The following KIF16B variants were observed in gnomAD, a reference collection of about 807,000 sequenced individuals.
KIF16B encodes kinesin-like protein KIF16B.
Under a neutral mutation model 156.3 loss-of-function variants are expected in KIF16B, and 98 were observed. The ratio of observed to expected loss-of-function variants is 0.63; its 90% confidence interval spans 0.53 to 0.74. The LOEUF is 0.74. KIF16B is among the 30% of genes least tolerant of loss of function. The probability of loss-of-function intolerance (pLI) is 0.00; values close to 1 mark genes in which losing one functional copy is unlikely to be tolerated. For missense variants in KIF16B, 1,421 were observed against 1,606.5 expected, an observed-to-expected ratio of 0.88 and a Z score of 1.97; for synonymous variants, 564 against 583.7, an observed-to-expected ratio of 0.97 and a Z score of 0.49.
rs372419167 is a variant in KIF16B, at chr20:16,517,718, G to A, written c.232-2054C>T. Among the ~76,000 whole-genome samples the A allele has an allele frequency of 4.5e-4, 68 of 152,294 alleles. 1 individual carries two copies. The highest frequency in any genetic ancestry group is 1.6e-3 in the African/African-American group (65 of 41,562). On this transcript the variant is annotated intron_variant, in intron 3 of 25. Transcript: ENST00000354981. The stretch of plus-strand genomic sequence containing the variant: ...ACTCAGGACTCCAGACCACCAGTTG[G>A]AGGCTCATTTTCACCACTGTATATG...
chr20:16,532,068 CAAA>C (rs34843252), intron 1 of KIF16B, among the ~76,000 whole-genome samples: 40 of 99,292 alleles, frequency 4.0e-4, no homozygotes, highest in Middle Eastern at 5.6e-3. Flanking sequence ...AACTCCGTCT[CAAA>C]AAAAAAAAAA....
chr20:16,274,353 C>A (rs1022345774), intron 25 of KIF16B, among the ~76,000 whole-genome samples: 3 of 152,138 alleles, frequency 2.0e-5, no homozygotes, highest in African/African-American at 7.2e-5. Context: ...GTTTTTGGCA[C>A]TGAGAAAGCA....
intron 15 of KIF16B, among the ~76,000 whole-genome samples, chr20:16,410,114 C>CATATATATATATGTTGGTACAT (rs775063194): frequency 2.1e-5 from 2 of 93,382 alleles, no homozygotes; most frequent in Non-Finnish European, 4.5e-5. Context: ...TATGTAGGTA[C>CATATATATATATGTTGGTACAT]ATATATATAT....
intron 23 of KIF16B, among the ~76,000 whole-genome samples, chr20:16,338,199 C>T (rs1052914138): frequency 6.6e-6 from 1 of 152,166 alleles, no homozygotes; most frequent in African/African-American, 2.4e-5. Flanking sequence ...ACTTCCGTGG[C>T]AATGCTCTCC....
At chr20:16,424,396 C>T (rs2066303098) in intron 15 of KIF16B, among the ~76,000 whole-genome samples, 1 of 151,964 alleles carries the variant, frequency 6.6e-6, no homozygotes, top group South Asian at 2.1e-4. Context: ...TGCTATGTTT[C>T]CTTCATTTCT....
At chr20:16,333,218 C>T (rs1166127577) in intron 24 of KIF16B, among the ~76,000 whole-genome samples, 10 of 152,094 alleles carry the variant, frequency 6.6e-5, no homozygotes, top group Non-Finnish European at 1.5e-4. Context: ...TTACAATGTA[C>T]CCACCTCCAG....
Position 16,504,419 on chromosome 20 carries a change from G to A in KIF16B, c.1129C>T (p.Arg377Ter), listed in dbSNP as rs759049539. ...GTTTTCAGTCTGGCTATTTCAGCTC[G>A]CAGCTCACGGATAAGTTTGACGTTG... ...DANVKLIREL[R>*]AEIARLKTLL... Residue 377 changes from arginine to a stop codon, truncating the protein, a stop_gained, in exon 10 of 26, where the codon CGA becomes TGA. Coordinates refer to ENST00000354981, the MANE Select transcript of KIF16B (RefSeq NM_024704.5). LOFTEE classifies it high-confidence loss of function. 3 of 1,614,074 alleles carry A rather than the reference G, an allele frequency of 1.9e-6. No homozygotes were observed. Among genetic ancestry groups the A allele is most frequent in the Non-Finnish European group, 2.5e-6 (3 of 1,179,990 alleles).
At chr20:16,281,305 C>T (rs1049395643) in intron 25 of KIF16B, among the ~76,000 whole-genome samples, 5 of 152,218 alleles carry the variant, frequency 3.3e-5, no homozygotes, top group Admixed American at 6.5e-5. Flanking sequence ...ACCACGGTGG[C>T]GGCTTAAAGA....
At chr20:16,430,556 T>C (rs980733887) in intron 12 of KIF16B, among the ~76,000 whole-genome samples, 3 of 152,162 alleles carry the variant, frequency 2.0e-5, no homozygotes, top group Non-Finnish European at 4.4e-5. Context: ...TCCTTATAGC[T>C]ACCACCAATT....
At chr20:16,289,794 T>C (rs1348006955) in intron 25 of KIF16B, among the ~76,000 whole-genome samples, 1 of 152,172 alleles carries the variant, frequency 6.6e-6, no homozygotes, top group Admixed American at 6.5e-5. Flanking sequence ...TGAGCCGAGA[T>C]TGAGCCACTG....
chr20:16,467,556 A>G (rs2067528328), intron 12 of KIF16B, among the ~76,000 whole-genome samples: 1 of 152,336 alleles, frequency 6.6e-6, no homozygotes, highest in East Asian at 1.9e-4. Flanking sequence ...ATGCAAGAAC[A>G]TACAGATCAT....
chr20:16,535,607 T>A (rs2069929484), intron 1 of KIF16B, among the ~76,000 whole-genome samples: 1 of 152,190 alleles, frequency 6.6e-6, no homozygotes, highest in South Asian at 2.1e-4. Context: ...CCCCATTCGC[T>A]ACAATGTTAG....
intron 17 of KIF16B, among the ~76,000 whole-genome samples, chr20:16,396,517 T>A (rs1480368948): frequency 1.3e-5 from 2 of 151,806 alleles, no homozygotes; most frequent in Non-Finnish European, 2.9e-5. Context: ...TATATATATA[T>A]AAATGTGTGT....
At chr20:16,289,262 G>A (rs1220868585) in intron 25 of KIF16B, among the ~76,000 whole-genome samples, 1 of 152,078 alleles carries the variant, frequency 6.6e-6, no homozygotes, top group Non-Finnish European at 1.5e-5. Flanking sequence ...TTACACCATC[G>A]TAAAGTTGAA....
intron 17 of KIF16B, among the ~76,000 whole-genome samples, chr20:16,392,382 AC>A (rs2065387851): frequency 6.6e-6 from 1 of 152,226 alleles, no homozygotes; most frequent in African/African-American, 2.4e-5. Flanking sequence ...CATTTTGGTG[AC>A]GTCTATAGTG....
chr20:16,335,568 A>C (rs1482077637), intron 24 of KIF16B, among the ~76,000 whole-genome samples: 1 of 152,228 alleles, frequency 6.6e-6, no homozygotes, highest in Non-Finnish European at 1.5e-5. Context: ...TATATGAAGA[A>C]GTTATTTTAA....
intron 3 of KIF16B, among the ~76,000 whole-genome samples, chr20:16,522,549 AG>A (rs935879192): frequency 1.3e-5 from 2 of 152,218 alleles, no homozygotes; most frequent in African/African-American, 4.8e-5. Flanking sequence ...AAAGAGACTT[AG>A]ACTCCCACAC....
chr20:16,423,298 G>A (rs901835438), intron 15 of KIF16B, among the ~76,000 whole-genome samples: 1 of 152,102 alleles, frequency 6.6e-6, no homozygotes, highest in Non-Finnish European at 1.5e-5. Flanking sequence ...CTGTGGCAGA[G>A]TTTAAAATTA....
intron 25 of KIF16B, among the ~76,000 whole-genome samples, chr20:16,294,671 G>A (rs2063357795): frequency 6.6e-6 from 1 of 152,292 alleles, no homozygotes; most frequent in South Asian, 2.1e-4. Context: ...AGGGAGAAAA[G>A]CTAACAGACC....
Sources: gnomAD v4.1 joint callset for allele counts (sites outside exome capture counted in the v4.1 genomes callset) on GRCh38, gnomAD v4.1.1 for gene constraint, MANE v1.5 for transcripts, NCBI Gene and HGNC (gene_info 2026-07-23, HGNC 2026-07-21) for gene names.